The following WDR70 variants were observed in gnomAD, a reference collection of about 807,000 sequenced individuals.
The protein encoded by WDR70 is WD repeat-containing protein 70.
A neutral mutation model predicts 88.6 loss-of-function variants in WDR70; 53 were observed. The ratio of observed to expected loss-of-function variants is 0.60; its 90% CI spans 0.48 to 0.75. WDR70 has a LOEUF of 0.75. Among genes scored for constraint, WDR70 ranks in the 30% least tolerant of loss-of-function variants. The pLI, the probability that WDR70 is intolerant of heterozygous loss-of-function variation, is 0.00. For missense variants in WDR70, 610 were observed against 823.2 expected, an observed-to-expected ratio of 0.74 and a Z score of 3.17; for synonymous variants, 280 against 270.0, an observed-to-expected ratio of 1.04 and a Z score of -0.36.
intron 7 of WDR70, among the ~76,000 whole-genome samples, chr5:37,457,166 G>T (rs1408183243): frequency 6.6e-6 from 1 of 152,008 alleles, no homozygotes; most frequent in Non-Finnish European, 1.5e-5. Context: ...CGCAATCTTG[G>T]CTCACCACAA....
intron 5 of WDR70, among the ~76,000 whole-genome samples, chr5:37,412,476 G>T (rs757204239): frequency 4.6e-5 from 7 of 151,936 alleles, no homozygotes; most frequent in Non-Finnish European, 8.8e-5. Context: ...GATGAAGGAG[G>T]TTCTAACTCA....
At position 37,471,107 on chromosome 5, in the gene WDR70, C is replaced by T. The variant is rs146098203; in HGVS notation, c.687-8727C>T. Among the ~76,000 whole-genome samples the T allele has an allele frequency of 5.9e-3, 899 of 152,212 alleles. 2 individuals are homozygous for T. The highest frequency in any genetic ancestry group is 9.9e-3 in the Non-Finnish European group (675 of 68,006). ...ATGTTGGCCAGGATAGTCTCAAACG[C>T]GTGAACTCAAGTGATTCACCCGCCT... On this transcript the variant is annotated intron_variant, in intron 7 of 17. Coordinates refer to ENST00000265107, the MANE Select transcript of WDR70 (RefSeq NM_018034.4).
intron 9 of WDR70, among the ~76,000 whole-genome samples, chr5:37,565,047 A>G (rs543047727): frequency 1.3e-5 from 2 of 152,232 alleles, no homozygotes; most frequent in South Asian, 2.1e-4. Flanking sequence ...AAATACCATT[A>G]TAATAAACTT....
At chr5:37,493,492 T>A (rs1393855989) in intron 8 of WDR70, among the ~76,000 whole-genome samples, 1 of 152,200 alleles carries the variant, frequency 6.6e-6, no homozygotes, top group African/African-American at 2.4e-5. Flanking sequence ...AAGGAACTTG[T>A]ATTGTGCCAG....
chr5:37,514,189 T>A (rs764834326), intron 8 of WDR70, among the ~76,000 whole-genome samples: 14 of 150,726 alleles, frequency 9.3e-5, no homozygotes, highest in Non-Finnish European at 1.8e-4. Flanking sequence ...AAGTTTTTAT[T>A]TTTAGTTTTT....
At chr5:37,681,959 A>G (rs1169270044) in intron 10 of WDR70, among the ~76,000 whole-genome samples, 2 of 152,110 alleles carry the variant, frequency 1.3e-5, no homozygotes, top group Admixed American at 1.3e-4. Flanking sequence ...GAGTTAAGGA[A>G]GAGTCCCTCC....
rs1020032281 is a variant in WDR70, at chr5:37,671,398, T to C, written c.1093-26257T>C. On this transcript the variant is annotated intron_variant, in intron 10 of 17. Coordinates refer to ENST00000265107, the MANE Select transcript of WDR70 (RefSeq NM_018034.4). ...AGCAGATTAACTGTAACTCAGTCTT[T>C]TTGTGAGTGGGGGAGAAGGGCAGGG... 2.6e-5 allele frequency among the ~76,000 whole-genome samples: 4 copies of C among 152,066 alleles called. No homozygotes were observed. In the East Asian group the frequency reaches 7.7e-4, roughly 29 times the overall value.
At chr5:37,410,023 A>AT (rs1445410585) in intron 5 of WDR70, among the ~76,000 whole-genome samples, 2 of 150,474 alleles carry the variant, frequency 1.3e-5, no homozygotes, top group East Asian at 3.9e-4. Context: ...TTGCCCATTC[A>AT]TTTTCTCTGA....
chr5:37,392,566 C>A (rs1748869952), intron 4 of WDR70, among the ~76,000 whole-genome samples: 1 of 152,154 alleles, frequency 6.6e-6, no homozygotes, highest in African/African-American at 2.4e-5. Flanking sequence ...CCAGGCTGGT[C>A]TCAAACTCCT....
intron 9 of WDR70, among the ~76,000 whole-genome samples, chr5:37,592,008 A>G (rs1031223516): frequency 6.6e-6 from 1 of 152,244 alleles, no homozygotes; most frequent in African/African-American, 2.4e-5. Context: ...CCAAGTAGGA[A>G]TAGAATGGAA....
At chr5:37,487,215 C>G (rs536577314) in intron 8 of WDR70, among the ~76,000 whole-genome samples, 1 of 152,122 alleles carries the variant, frequency 6.6e-6, no homozygotes, top group East Asian at 1.9e-4. Context: ...TGTACTTTCT[C>G]CATTTCCCAG....
intron 5 of WDR70, among the ~76,000 whole-genome samples, chr5:37,401,003 G>A (rs1191668707): frequency 6.6e-6 from 1 of 151,818 alleles, no homozygotes; most frequent in East Asian, 1.9e-4. Context: ...GAGGATTACA[G>A]TTTTTGTGTT....
intron 10 of WDR70, among the ~76,000 whole-genome samples, chr5:37,634,073 G>C (rs546102759): frequency 1.3e-5 from 2 of 151,976 alleles, no homozygotes; most frequent in African/African-American, 2.4e-5. Context: ...GTCTTGGTGA[G>C]CGCATCACGA....
intron 17 of WDR70, among the ~76,000 whole-genome samples, chr5:37,738,922 C>T (rs1294628490): frequency 6.6e-6 from 1 of 152,156 alleles, no homozygotes; most frequent in Non-Finnish European, 1.5e-5. Context: ...GCAGAGTTAC[C>T]GAAGCTAAAG....
At chr5:37,500,786 C>T (rs548792427) in intron 8 of WDR70, among the ~76,000 whole-genome samples, 33 of 124,572 alleles carry the variant, frequency 2.6e-4, no homozygotes, top group South Asian at 5.5e-4. Flanking sequence ...AGTGCAATGG[C>T]GCGATCTCAG....
intron 7 of WDR70, among the ~76,000 whole-genome samples, chr5:37,469,272 G>A (rs1461099022): frequency 1.3e-5 from 2 of 152,074 alleles, no homozygotes; most frequent in African/African-American, 2.4e-5. Flanking sequence ...GGATCTACCC[G>A]AAAAGCATCC....
intron 13 of WDR70, among the ~76,000 whole-genome samples, chr5:37,717,598 C>T (rs1747686928): frequency 6.6e-6 from 1 of 152,172 alleles, no homozygotes; most frequent in Admixed American, 6.5e-5. Context: ...ATTTATAGCT[C>T]ATCTGTCTTC....
At chr5:37,435,265 A>G (rs1214754947) in intron 5 of WDR70, among the ~76,000 whole-genome samples, 1 of 152,200 alleles carries the variant, frequency 6.6e-6, no homozygotes, top group Non-Finnish European at 1.5e-5. Flanking sequence ...TGAGTGATGA[A>G]AAAGTAGTTA....
rs746701551 is a variant in WDR70, at chr5:37,479,806, T to TA, written c.687-27dup. 25 of 1,597,388 alleles carry TA rather than the reference T, an allele frequency of 1.6e-5. No individual in the cohort carries two copies. The South Asian group carries it at 2.6e-4, about 17-fold the overall frequency. Reference sequence around the variant, plus strand: ...ATTATAAACATTGTGCTTAGTATCTTACCAACTTTCCTTTTCTTTTCGTAC... The same window carrying TA: ...ATTATAAACATTGTGCTTAGTATCTTAACCAACTTTCCTTTTCTTTTCGTAC... On this transcript the variant is annotated intron_variant, in intron 7 of 17. Coordinates refer to ENST00000265107, the MANE Select transcript of WDR70 (RefSeq NM_018034.4).
Sources: gnomAD v4.1 joint callset for allele counts (sites outside exome capture counted in the v4.1 genomes callset) on GRCh38, gnomAD v4.1.1 for gene constraint, MANE v1.5 for transcripts, NCBI Gene and HGNC (gene_info 2026-07-23, HGNC 2026-07-21) for gene names.